STRN: variants seen among roughly 807,000 people sequenced by gnomAD.
STRN encodes protein phosphatase 2 regulatory subunit B'''alpha.
Under a neutral mutation model 96.3 loss-of-function variants are expected in STRN, and 53 were observed. That is an observed-to-expected ratio of 0.55 (90% CI 0.44 to 0.69). The LOEUF is 0.69. Ranked by LOEUF, STRN falls within the 30% of genes least tolerant of loss-of-function variation. The probability of loss-of-function intolerance (pLI) is 0.00; values close to 1 mark genes in which losing one functional copy is unlikely to be tolerated. For missense variants in STRN, 987 were observed against 963.9 expected, an observed-to-expected ratio of 1.02 and a Z score of -0.32; for synonymous variants, 428 against 355.9, an observed-to-expected ratio of 1.20 and a Z score of -2.28.
intron 3 of STRN, among the ~76,000 whole-genome samples, chr2:36,906,880 C>T (rs1236375182): frequency 1.3e-5 from 2 of 151,488 alleles, no homozygotes; most frequent in African/African-American, 2.4e-5. Context: ...GAGATGATTG[C>T]GCCATTGCAC....
rs867059104 is a variant in STRN at position 36,858,021 on chromosome 2, G to C, written c.1672C>G (p.Pro558Ala). 1 of 1,588,162 alleles carries C rather than the reference G, an allele frequency of 6.3e-7. No homozygotes were observed. The highest frequency in any genetic ancestry group is 1.1e-5 in the South Asian group (1 of 87,968). Residue 558 changes from proline to alanine, a missense_variant and splice_region_variant, in exon 14 of 18, where the codon CCT becomes GCT. Transcript: ENST00000263918. ...AGCAGAGGGCCTCGTAAAACAGAAG[G>C]ATCTATACAAAACAGTAAAAATGCA... is the stretch of plus-strand genomic sequence containing the variant. ...PNIDPYDSYD[P>A]SVLRGPLLGH...
chr2:36,925,153 T>G lies in STRN; in HGVS notation c.290A>C (p.Asp97Ala), dbSNP rs780466060. The change falls in exon 2 of 18, where the codon GAT (aspartate) becomes GCT (alanine). Residue 97 changes from aspartate to alanine, a missense_variant. Transcript: ENST00000263918. ...ERKGQENLKK[D>A]LVRRIKMLEY... is the part of the protein sequence containing the mutation. ...CAACATTTTGATCCTCCTCACAAGA[T>G]CCTTCTTCAAATTTTCTTGGCCCTT... The G allele has an allele frequency of 6.2e-7, 1 of 1,613,946 alleles. No individual in the cohort carries two copies. The highest frequency in any genetic ancestry group is 1.1e-5 in the South Asian group (1 of 91,076).
At chr2:36,866,909 A>G (rs1668643602) in intron 12 of STRN, among the ~76,000 whole-genome samples, 1 of 152,098 alleles carries the variant, frequency 6.6e-6, no homozygotes, top group Non-Finnish European at 1.5e-5. Context: ...CTTTGAGCCT[A>G]TGGGTGTTAC....
At chr2:36,900,519 G>C (rs1669654470) in intron 5 of STRN, among the ~76,000 whole-genome samples, 1 of 152,156 alleles carries the variant, frequency 6.6e-6, no homozygotes, top group Admixed American at 6.5e-5. Flanking sequence ...CGACCCTGTT[G>C]ATTAATAAGC....
chr2:36,941,944 T>C (rs1334596188), intron 1 of STRN, among the ~76,000 whole-genome samples: 2 of 152,218 alleles, frequency 1.3e-5, no homozygotes, highest in Non-Finnish European at 2.9e-5. Flanking sequence ...GTAGATGTTG[T>C]GGGCCGGCTA....
intron 3 of STRN, among the ~76,000 whole-genome samples, chr2:36,912,111 C>A (rs951045214): frequency 6.6e-6 from 1 of 152,310 alleles, no homozygotes; most frequent in South Asian, 2.1e-4. Context: ...AAGACATGCT[C>A]CTCCTGCCAT....
chr2:36,960,249 G>T (rs1362937312), intron 1 of STRN, among the ~76,000 whole-genome samples: 3 of 152,196 alleles, frequency 2.0e-5, no homozygotes, highest in African/African-American at 7.2e-5. Context: ...AAGTTTATAT[G>T]AATTTCAAGG....
At chr2:36,957,913 G>A (rs1664936127) in intron 1 of STRN, among the ~76,000 whole-genome samples, 1 of 138,948 alleles carries the variant, frequency 7.2e-6, no homozygotes, top group Non-Finnish European at 1.5e-5. Context: ...ACGACGCCCA[G>A]CTAATTTTTT....
At chr2:36,948,970 G>C (rs1448306857) in intron 1 of STRN, among the ~76,000 whole-genome samples, 1 of 152,212 alleles carries the variant, frequency 6.6e-6, no homozygotes, top group African/African-American at 2.4e-5. Flanking sequence ...TTTAGAAAGA[G>C]TACAGGCATG....
chr2:36,940,792 GCAC>G (rs995455176), intron 1 of STRN, among the ~76,000 whole-genome samples: 48 of 139,868 alleles, frequency 3.4e-4, no homozygotes, highest in Non-Finnish European at 6.4e-4. Context: ...GGCCAAGACT[GCAC>G]CACTGCACAG....
intron 1 of STRN, among the ~76,000 whole-genome samples, chr2:36,961,397 G>A (rs1665027360): frequency 6.6e-6 from 1 of 151,996 alleles, no homozygotes; most frequent in Non-Finnish European, 1.5e-5. Context: ...GGGATTACAG[G>A]ATTACAGGTT....
At chr2:36,880,052 C>A (rs890325800) in intron 9 of STRN, among the ~76,000 whole-genome samples, 1 of 152,096 alleles carries the variant, frequency 6.6e-6, no homozygotes, top group Non-Finnish European at 1.5e-5. Context: ...CTGCAACGTA[C>A]ACCTCCCAGG....
At chr2:36,931,147 C>T (rs1670565663) in intron 1 of STRN, among the ~76,000 whole-genome samples, 1 of 152,118 alleles carries the variant, frequency 6.6e-6, no homozygotes, top group African/African-American at 2.4e-5. Flanking sequence ...AGAACCCTAC[C>T]CTTTTTACTC....
In STRN at chr2:36,899,406, T is replaced by G. The variant is rs554588329; in HGVS notation, c.795+117A>C. On this transcript the variant is annotated intron_variant, in intron 6 of 17. Coordinates refer to ENST00000263918, the MANE Select transcript of STRN (RefSeq NM_003162.4). ...ACAAACTCTCATAAATGTCTCCAAA[T>G]TCATGAAAAAGAAAAAGCTACGGGT... 130 of 1,000,970 alleles carry G rather than the reference T, an allele frequency of 1.3e-4. No individual in the cohort carries two copies. The African/African-American group carries it at 2.1e-3, about 16-fold the overall frequency. The allele number at this position is 1,000,970 out of a possible 1,614,324, so 62.0% of individuals were successfully genotyped here. A position where few individuals can be genotyped will look rare whatever the true frequency, so the allele number is the denominator to read the frequency against.
At chr2:36,947,760 C>G (rs1180210581) in intron 1 of STRN, among the ~76,000 whole-genome samples, 1 of 151,686 alleles carries the variant, frequency 6.6e-6, no homozygotes, top group Non-Finnish European at 1.5e-5. Context: ...TCAGTTCCCT[C>G]AACTACAAAT....
At chr2:36,965,430 T>C (rs1040494177) in intron 1 of STRN, among the ~76,000 whole-genome samples, 7 of 152,238 alleles carry the variant, frequency 4.6e-5, no homozygotes, top group African/African-American at 7.2e-5. Context: ...ATCTTGCAGA[T>C]TATGCAAGGC....
At chr2:36,887,473 AAAAAAAC>A (rs1669271566) in intron 7 of STRN, among the ~76,000 whole-genome samples, 3 of 151,740 alleles carry the variant, frequency 2.0e-5, no homozygotes, top group African/African-American at 2.4e-5. Context: ...TCTGTCTCAA[AAAAAAAC>A]AAAAAACAAA....
intron 13 of STRN, among the ~76,000 whole-genome samples, chr2:36,860,781 T>G (rs899643694): frequency 6.6e-6 from 1 of 152,162 alleles, no homozygotes; most frequent in Admixed American, 6.5e-5. Flanking sequence ...TCCTTAAAAG[T>G]TGTTTGACAA....
At chr2:36,855,412 A>G in intron 14 of STRN, 60 bp from the exon 15 acceptor site, 3 of 1,556,150 alleles carry the variant, frequency 1.9e-6, no homozygotes, top group Non-Finnish European at 2.6e-6. Context: ...CAATCTGCTT[A>G]AAATAGAGCA....
Sources: allele counts gnomAD v4.1 joint callset (sites outside exome capture counted in the v4.1 genomes callset), GRCh38; gene constraint gnomAD v4.1.1; transcripts MANE v1.5; gene names NCBI Gene and HGNC (gene_info 2026-07-23, HGNC 2026-07-21).